TENM2: variants seen among roughly 807,000 people sequenced by gnomAD.
TENM2 encodes the protein teneurin transmembrane protein 2.
A neutral mutation model predicts 245.2 loss-of-function variants in TENM2; 52 were observed. The observed-to-expected ratio is 0.21, with a 90% confidence interval of 0.17 to 0.27. The LOEUF is 0.27. Among genes scored for constraint, TENM2 ranks in the 10% least tolerant of loss-of-function variants. The pLI is 1.00. For synonymous variants in TENM2, 1,363 were observed against 1,438.9 expected (o/e 0.95, Z 1.19); for missense variants, 3,046 against 3,666.8 (o/e 0.83, Z 4.37).
At chr5:167,531,650 A>G (rs1368020578) in intron 2 of TENM2, among the ~76,000 whole-genome samples, 1 of 151,640 alleles carries the variant, frequency 6.6e-6, no homozygotes, top group African/African-American at 2.4e-5. Flanking sequence ...CCCACCCTGC[A>G]CCTCTCACCC....
intron 21 of TENM2, among the ~76,000 whole-genome samples, chr5:168,216,523 G>A (rs1055377503): frequency 4.6e-5 from 7 of 152,258 alleles, no homozygotes; most frequent in Non-Finnish European, 1.0e-4. Flanking sequence ...GCATGCTTTC[G>A]TCAGTTGCAG....
rs76155764 is a variant in TENM2 at position 167,635,633 on chromosome 5, C to CTTTTTTTTTTTTTTTTTTTTT, written c.503-240344_503-240324dup. ...GGAATCTGGCTATGATCAGTACAGT[C>CTTTTTTTTTTTTTTTTTTTTT]TTTTTTTTTTTTTTTTTTTTTTTTT... is the stretch of plus-strand genomic sequence containing the variant. On this transcript the variant is annotated intron_variant, in intron 2 of 28. Coordinates refer to ENST00000518659, the Ensembl canonical transcript of TENM2. Among the ~76,000 whole-genome samples, 28 of 74,936 alleles carry CTTTTTTTTTTTTTTTTTTTTT rather than the reference C, an allele frequency of 3.7e-4. 3 individuals carry two copies. In the East Asian group the frequency reaches 4.7e-3, roughly 13 times the overall value. The allele number at this position is 74,936 out of a possible 152,430, so 49.2% of individuals were successfully genotyped here.
chr5:167,715,917 A>G (rs989603358), intron 2 of TENM2, among the ~76,000 whole-genome samples: 4 of 152,210 alleles, frequency 2.6e-5, no homozygotes, highest in African/African-American at 9.6e-5. Context: ...TAAGCGACTG[A>G]ACATGTTTTA....
intron 1 of TENM2, among the ~76,000 whole-genome samples, chr5:167,320,698 A>G (rs1057249988): frequency 3.3e-5 from 5 of 152,114 alleles, no homozygotes; most frequent in Non-Finnish European, 7.3e-5. Flanking sequence ...TTGCCTTCCA[A>G]CATGTTGATG....
At chr5:167,721,127 C>T (rs1175388196) in intron 2 of TENM2, among the ~76,000 whole-genome samples, 1 of 151,940 alleles carries the variant, frequency 6.6e-6, no homozygotes, top group Non-Finnish European at 1.5e-5. Context: ...GCCTTAAGAC[C>T]TTTTGTCCTT....
At chr5:167,928,738 A>G (rs908757620) in intron 3 of TENM2, among the ~76,000 whole-genome samples, 27 of 151,636 alleles carry the variant, frequency 1.8e-4, no homozygotes, top group African/African-American at 5.8e-4. Flanking sequence ...TACTAAAAAT[A>G]CAAAAAAATT....
intron 2 of TENM2, among the ~76,000 whole-genome samples, chr5:167,797,185 A>G (rs374058141): frequency 3.3e-5 from 5 of 152,222 alleles, no homozygotes; most frequent in South Asian, 4.2e-4. Context: ...TATGCACTCA[A>G]TGTTGTCAGA....
chr5:168,256,093 C>T lies in TENM2; in HGVS notation c.7433-4190C>T, dbSNP rs143307058. Among the ~76,000 whole-genome samples, 444 of 152,110 alleles carry T rather than the reference C, an allele frequency of 2.9e-3. 2 individuals are homozygous for T. The highest frequency in any genetic ancestry group is 1.0e-2 in the African/African-American group (414 of 41,510). ...TGCTAGGATTACAGGCGTGAGCCAC[C>T]GCGCCTGGCTAGAATTTATTTTTTT... On this transcript the variant is annotated intron_variant, in intron 27 of 28. Coordinates refer to ENST00000518659, the Ensembl canonical transcript of TENM2.
chr5:167,652,199 A>G (rs767475223), intron 2 of TENM2, among the ~76,000 whole-genome samples: 1 of 152,174 alleles, frequency 6.6e-6, no homozygotes, highest in Non-Finnish European at 1.5e-5. Context: ...GGGACTGGAA[A>G]TTACTTGACC....
At chr5:167,939,746 C>T (rs899478107) in intron 3 of TENM2, among the ~76,000 whole-genome samples, 1 of 152,178 alleles carries the variant, frequency 6.6e-6, no homozygotes, top group African/African-American at 2.4e-5. Flanking sequence ...TTTGCAAACT[C>T]TTAGCAAATC....
intron 3 of TENM2, among the ~76,000 whole-genome samples, chr5:167,937,018 T>C (rs1184299463): frequency 6.6e-6 from 1 of 152,240 alleles, no homozygotes; most frequent in Non-Finnish European, 1.5e-5. Flanking sequence ...ATAACATTTG[T>C]ATATATTTAT....
intron 1 of TENM2, among the ~76,000 whole-genome samples, chr5:167,296,812 CTG>C (rs1445284955): frequency 1.3e-5 from 2 of 152,240 alleles, no homozygotes; most frequent in Non-Finnish European, 2.9e-5. Flanking sequence ...TTAACACTTT[CTG>C]TTTCACAAAC....
chr5:167,978,042 C>T (rs775243253), intron 4 of TENM2, among the ~76,000 whole-genome samples: 71 of 152,296 alleles, frequency 4.7e-4, no homozygotes, highest in Non-Finnish European at 8.4e-4. Flanking sequence ...TCTCTTTCTA[C>T]CTCTCTTGCC....
rs116607018 is a variant in TENM2, at chr5:167,629,951, G to A, written c.503-246035G>A. Among the ~76,000 whole-genome samples the A allele has an allele frequency of 8.4e-3, 1,274 of 152,140 alleles. 18 individuals carry two copies. Among genetic ancestry groups the A allele is most frequent in the African/African-American group, 0.029 (1,185 of 41,488 alleles). Reference sequence around the variant, plus strand: ...AGAGGAAGAGGGGAAATGGAACAATGCTGTGGGAAATCCAAGTAGAGCAGT... The same window carrying A: ...AGAGGAAGAGGGGAAATGGAACAATACTGTGGGAAATCCAAGTAGAGCAGT... On this transcript the variant is annotated intron_variant, in intron 2 of 28. Coordinates refer to ENST00000518659, the Ensembl canonical transcript of TENM2.
intron 2 of TENM2, among the ~76,000 whole-genome samples, chr5:167,563,973 T>C (rs559481175): frequency 6.6e-6 from 1 of 152,324 alleles, no homozygotes; most frequent in Non-Finnish European, 1.5e-5. Flanking sequence ...TCTCAGAATG[T>C]ATCCCCATGG....
chr5:167,224,108 T>A, the TENM2 span, among the ~76,000 whole-genome samples: 2 of 152,130 alleles, frequency 1.3e-5, no homozygotes, highest in Non-Finnish European at 2.9e-5. Flanking sequence ...GTTGGATGAG[T>A]AGTTCACAAA....
intron 2 of TENM2, among the ~76,000 whole-genome samples, chr5:167,629,072 T>C (rs1313878179): frequency 6.6e-6 from 1 of 152,158 alleles, no homozygotes; most frequent in Non-Finnish European, 1.5e-5. Context: ...TTGAAGTGAA[T>C]TCTGTTATCA....
chr5:167,411,580 G>GTGTC (rs924717753), intron 2 of TENM2, among the ~76,000 whole-genome samples: 2 of 137,064 alleles, frequency 1.5e-5, no homozygotes, highest in African/African-American at 6.2e-5. Flanking sequence ...GAGAGTGTGT[G>GTGTC]TGTGTGTGTG....
At chr5:167,547,838 C>T (rs776179914) in intron 2 of TENM2, among the ~76,000 whole-genome samples, 5 of 152,144 alleles carry the variant, frequency 3.3e-5, no homozygotes, top group Non-Finnish European at 5.9e-5. Flanking sequence ...TATTCTTCAA[C>T]CCTTCAATTT....
Sources: allele counts gnomAD v4.1 joint callset (sites outside exome capture counted in the v4.1 genomes callset), GRCh38; gene constraint gnomAD v4.1.1; transcripts MANE v1.5; gene names NCBI Gene and HGNC (gene_info 2026-07-23, HGNC 2026-07-21).